The following UBAP2 variants were observed in gnomAD, a reference collection of about 807,000 sequenced individuals.
UBAP2 encodes ubiquitin associated protein 2.
UBAP2 carries 75 observed loss-of-function variants against 139.6 expected under a neutral mutation model. That is an observed-to-expected ratio of 0.54 (90% CI 0.45 to 0.65). The LOEUF (loss-of-function observed/expected upper bound fraction) is 0.65, where lower values mean the gene tolerates loss of function less well. Among genes scored for constraint, UBAP2 ranks in the 30% least tolerant of loss-of-function variants. UBAP2 has a pLI of 0.00. For missense variants in UBAP2, 1,368 were observed against 1,369.6 expected (o/e 1.00, Z 0.02); for synonymous variants, 526 against 526.2 (o/e 1.00, Z 0.01).
intron 1 of UBAP2, among the ~76,000 whole-genome samples, chr9:34,035,604 G>A (rs1587695846): frequency 6.8e-6 from 1 of 146,258 alleles, no homozygotes; most frequent in East Asian, 2.1e-4. Flanking sequence ...AGAATCACTT[G>A]AACCTGGGAG....
intron 18 of UBAP2, among the ~76,000 whole-genome samples, chr9:33,933,262 G>C (rs904537919): frequency 1.3e-5 from 2 of 152,118 alleles, no homozygotes; most frequent in African/African-American, 4.8e-5. Flanking sequence ...TACTCCCAGG[G>C]GACCCAGTGC....
chr9:33,991,399 T>C (rs1443743800), intron 4 of UBAP2, among the ~76,000 whole-genome samples: 1 of 152,116 alleles, frequency 6.6e-6, no homozygotes, highest in African/African-American at 2.4e-5. Flanking sequence ...TCCCAAAATA[T>C]CAAATTCAGG....
rs768233694 is a variant in UBAP2, at chr9:33,926,595, G to A, written c.2511+22C>T. On this transcript the variant is annotated intron_variant, in intron 22 of 28. Transcript: ENST00000379238. ...TAAAAGATTCTGAACCCTCTGCTCC[G>A]ACCAGTCCATACCCCACTCACCACT... 2.6e-5 allele frequency: 42 copies of A among 1,613,828 alleles called. 1 individual carries two copies. In the South Asian group the frequency reaches 3.0e-4, roughly 11 times the overall value.
intron 2 of UBAP2, among the ~76,000 whole-genome samples, chr9:34,015,364 G>A (rs764748517): frequency 1.3e-5 from 2 of 152,122 alleles, no homozygotes; most frequent in Non-Finnish European, 2.9e-5. Flanking sequence ...TGTTGCCCAG[G>A]CTTGAATGCA....
intron 2 of UBAP2, among the ~76,000 whole-genome samples, chr9:34,003,301 G>A (rs1322090679): frequency 6.6e-6 from 1 of 151,562 alleles, no homozygotes; most frequent in East Asian, 1.9e-4. Flanking sequence ...AAAGTGCTGG[G>A]ATTACAGGTA....
rs1823299454 is a variant in UBAP2, at chr9:34,007,264, AAGGTGGATCCCTTGAGCCTAAG to A, written c.100-8422_100-8401del. Among the ~76,000 whole-genome samples, 3 of 152,140 alleles carry A rather than the reference AAGGTGGATCCCTTGAGCCTAAG, an allele frequency of 2.0e-5. No individual in the cohort carries two copies. In the South Asian group the frequency reaches 6.2e-4, roughly 32 times the overall value. ...ATCCCAACACTTTGGGAGGCTGAGG[AAGGTGGATCCCTTGAGCCTAAG>A]AGTTTGAAACCAGCCCTGTGGGTAA... On this transcript the variant is annotated intron_variant, in intron 2 of 28. Coordinates refer to ENST00000379238, the MANE Select transcript of UBAP2 (RefSeq NM_001370062.2).
chr9:33,957,850 A>G (rs575529719), intron 10 of UBAP2, among the ~76,000 whole-genome samples: 2 of 152,276 alleles, frequency 1.3e-5, no homozygotes, highest in South Asian at 4.1e-4. Context: ...GTAGGTGTTC[A>G]TTTTCTTCAA....
At chr9:33,948,791 TTC>T (rs2130954498) in intron 12 of UBAP2, 1 of 489,896 alleles carries the variant, frequency 2.0e-6, no homozygotes, top group South Asian at 3.7e-5. Context: ...TCCTTCCTCA[TTC>T]TGACATAAGA....
chr9:33,970,201 T>C (rs576171472), intron 8 of UBAP2, among the ~76,000 whole-genome samples: 3 of 151,976 alleles, frequency 2.0e-5, no homozygotes, highest in Non-Finnish European at 4.4e-5. Context: ...CTAATATCTA[T>C]ATGATCCATA....
chr9:34,000,844 CAACCTATGCCTGCTGAG>C (rs972713690), intron 2 of UBAP2, among the ~76,000 whole-genome samples: 41 of 152,298 alleles, frequency 2.7e-4, no homozygotes, highest in African/African-American at 9.1e-4. Context: ...CTGTTCATCC[CAACCTATGCCTGCTGAG>C]ACCTCAGTTT....
rs954796583 is a variant in UBAP2, at chr9:34,017,844, G to A, written c.-41-655C>T. On this transcript the variant is annotated intron_variant, in intron 1 of 28. Coordinates refer to ENST00000379238, the MANE Select transcript of UBAP2 (RefSeq NM_001370062.2). ...TAGGAGGCCAAGGCAGGAGAATGGCGTGAACCCGGGAGGCAGAGGTTGCAG... is the reference window on the plus strand; with the variant it reads ...TAGGAGGCCAAGGCAGGAGAATGGCATGAACCCGGGAGGCAGAGGTTGCAG... Among the ~76,000 whole-genome samples the A allele has an allele frequency of 5.9e-5, 9 of 151,848 alleles. No individual in the cohort carries two copies. The East Asian group carries it at 1.2e-3, about 20-fold the overall frequency.
chr9:34,034,619 A>C lies in UBAP2; in HGVS notation c.-42+14206T>G, dbSNP rs547512160. ...GCTGGGCACAGTGGCTCACGCCTGT[A>C]ATCCCAGCACTTTGGGAGGCACAGG... On this transcript the variant is annotated intron_variant, in intron 1 of 28. Transcript: ENST00000379238. Among the ~76,000 whole-genome samples the C allele has an allele frequency of 1.3e-4, 20 of 152,350 alleles. No individual in the cohort carries two copies. In the East Asian group the frequency reaches 1.9e-3, roughly 15 times the overall value.
At chr9:33,947,188 A>AAACCCCGGAGTGGTCTCATGTACTTCC (rs1417597613) in intron 13 of UBAP2, among the ~76,000 whole-genome samples, 3 of 152,172 alleles carry the variant, frequency 2.0e-5, no homozygotes, top group Non-Finnish European at 4.4e-5. Context: ...ACATCGCTTC[A>AAACCCCGGAGTGGTCTCATGTACTTCC]AACCCCGGAG....
intron 1 of UBAP2, among the ~76,000 whole-genome samples, chr9:34,039,246 G>A (rs187586308): frequency 0.023 from 3,331 of 144,856 alleles, 132 homozygotes; most frequent in African/African-American, 0.081. Context: ...GGGCGCCTCC[G>A]CCTGGCCGCC....
intron 8 of UBAP2, among the ~76,000 whole-genome samples, chr9:33,970,833 C>T (rs569963114): frequency 2.7e-5 from 4 of 150,774 alleles, no homozygotes; most frequent in South Asian, 2.1e-4. Context: ...GATGAAGTCT[C>T]GCTCTGTTGC....
chr9:33,944,757 G>GT, intron 13 of UBAP2, 118 bp from the exon 14 acceptor site: 2 of 1,203,048 alleles, frequency 1.7e-6, no homozygotes, highest in Non-Finnish European at 2.3e-6. Flanking sequence ...AATTTCTTAG[G>GT]TTTTACACAC....
chr9:33,970,011 C>CCTATGCT (rs1249394454), intron 8 of UBAP2, among the ~76,000 whole-genome samples: 10 of 135,336 alleles, frequency 7.4e-5, no homozygotes, highest in Non-Finnish European at 1.4e-4. Flanking sequence ...CTCACTGCAA[C>CCTATGCT]CTATGCTTCC....
intron 2 of UBAP2, among the ~76,000 whole-genome samples, chr9:34,012,351 C>T (rs917207621): frequency 2.0e-5 from 3 of 152,102 alleles, no homozygotes; most frequent in East Asian, 1.9e-4. Flanking sequence ...GCCAACATGG[C>T]GAAACCTCGT....
Position 33,922,947 on chromosome 9 carries a change from A to G in UBAP2, c.3072+19T>C, listed in dbSNP as rs1308415909. 4 of 1,614,016 alleles carry G rather than the reference A, an allele frequency of 2.5e-6. No individual in the cohort carries two copies. The highest frequency in any genetic ancestry group is 1.3e-5 in the African/African-American group (1 of 74,904). On this transcript the variant is annotated intron_variant, in intron 27 of 28. Transcript: ENST00000379238. ...AACCTCTCAAAAACCTATACACCCA[A>G]CCCACCTTTGTCCCTCACCTGTGTC...
Sources: gnomAD v4.1 joint callset for allele counts (sites outside exome capture counted in the v4.1 genomes callset) on GRCh38, gnomAD v4.1.1 for gene constraint, MANE v1.5 for transcripts, NCBI Gene and HGNC (gene_info 2026-07-23, HGNC 2026-07-21) for gene names.